ZNF280D: variants seen among roughly 807,000 people sequenced by gnomAD.
The protein encoded by ZNF280D is zinc finger protein 280D.
In ZNF280D, 39 loss-of-function variants were observed where a neutral mutation model predicts 94.7. That is an observed-to-expected ratio of 0.41 (90% CI 0.32 to 0.54). The LOEUF (loss-of-function observed/expected upper bound fraction) is 0.54, where lower values mean the gene tolerates loss of function less well. Ranked by LOEUF, ZNF280D falls within the 20% of genes least tolerant of loss-of-function variation. The pLI is 0.22. For missense variants in ZNF280D, 1,090 were observed against 1,149.3 expected (o/e 0.95, Z 0.75); for synonymous variants, 398 against 377.6 (o/e 1.05, Z -0.63).
At chr15:56,668,077 T>G (rs539787612) in intron 14 of ZNF280D, 3 of 441,672 alleles carry the variant, frequency 6.8e-6, no homozygotes, top group African/African-American at 4.1e-5. Flanking sequence ...CTTGCTATCA[T>G]GTCTTCAGAG....
Position 56,707,299 on chromosome 15 carries a change from T to G in ZNF280D, c.-78A>C, listed in dbSNP as rs1301948732. On this transcript the variant is annotated 5_prime_UTR_variant, in exon 2 of 22. Coordinates refer to ENST00000267807, the MANE Select transcript of ZNF280D (RefSeq NM_017661.4). ...AGACAAGCCAGCAAGTTATTTCTGT[T>G]TTCCTTCCTATAAAATAAAGATACC... 6.5e-7 allele frequency: 1 copy of G among 1,530,158 alleles called. No individual in the cohort carries two copies. The highest frequency in any genetic ancestry group is 8.8e-7 in the Non-Finnish European group (1 of 1,142,448). 94.8% of individuals were successfully genotyped at this position (1,530,158 alleles called of 1,614,324 possible). A position where few individuals can be genotyped will look rare whatever the true frequency, so the allele number is the denominator to read the frequency against.
intron 1 of ZNF280D, among the ~76,000 whole-genome samples, chr15:56,712,831 T>C (rs1476386823): frequency 1.3e-4 from 20 of 150,730 alleles, no homozygotes; most frequent in African/African-American, 4.9e-4. Context: ...ACCTCCACCT[T>C]CCAGGTTCAA....
intron 16 of ZNF280D, among the ~76,000 whole-genome samples, chr15:56,663,121 CA>C (rs138416677): frequency 7.8e-4 from 108 of 138,338 alleles, no homozygotes; most frequent in Non-Finnish European, 7.3e-4. Context: ...CCCATCCCTA[CA>C]AAAAAAAAAA....
At chr15:56,728,217 C>T (rs1239244039) in intron 1 of ZNF280D, among the ~76,000 whole-genome samples, 2 of 151,916 alleles carry the variant, frequency 1.3e-5, no homozygotes, top group Non-Finnish European at 2.9e-5. Flanking sequence ...GAGACAAGGT[C>T]TTCTTATGTT....
chr15:56,662,160 T>G lies in ZNF280D; in HGVS notation c.1995-3674A>C, dbSNP rs370878905. ...TGTAAAGAAAAATGCTTCTTATACA[T>G]CATTTTGAGGAATAATAGCAAGATT... On this transcript the variant is annotated intron_variant, in intron 16 of 21. Transcript: ENST00000267807. Among the ~76,000 whole-genome samples, 47 of 152,300 alleles carry G rather than the reference T, an allele frequency of 3.1e-4. No individual in the cohort carries two copies. In the South Asian group the frequency reaches 7.9e-3, roughly 25 times the overall value.
chr15:56,636,673 G>T (rs998246278), intron 20 of ZNF280D, among the ~76,000 whole-genome samples: 4 of 151,858 alleles, frequency 2.6e-5, no homozygotes, highest in Non-Finnish European at 5.9e-5. Flanking sequence ...TAGTACAGAC[G>T]GGGTTTCACC....
intron 19 of ZNF280D, chr15:56,652,907 G>A: frequency 1.0e-6 from 1 of 980,972 alleles, no homozygotes; most frequent in Non-Finnish European, 1.2e-6. Context: ...AAATCTCTTG[G>A]AGTTCTTAAA....
At chr15:56,658,316 T>A in intron 17 of ZNF280D, 108 bp downstream of exon 17, 1 of 761,564 alleles carries the variant, frequency 1.3e-6, no homozygotes, top group Non-Finnish European at 2.2e-6. Flanking sequence ...TATAAACACA[T>A]AAATTGTATG....
chr15:56,677,866 A>C (rs2055340032), intron 11 of ZNF280D, among the ~76,000 whole-genome samples, 192 bp from the exon 12 acceptor site: 2 of 152,164 alleles, frequency 1.3e-5, no homozygotes, highest in Non-Finnish European at 2.9e-5. Flanking sequence ...AACTCCTATT[A>C]ACAACCCTAT....
rs1260638775 is a variant in ZNF280D at position 56,678,730 on chromosome 15, G to A, written c.1096C>T (p.Gln366Ter). 6.2e-7 allele frequency: 1 copy of A among 1,613,384 alleles called. No individual in the cohort carries two copies. The highest frequency in any genetic ancestry group is 1.7e-5 in the Admixed American group (1 of 59,844). Residue 366 changes from glutamine to a stop codon, truncating the protein, a stop_gained, in exon 11 of 22, where the codon CAG becomes TAG. Transcript: ENST00000267807. LOFTEE classifies it high-confidence loss of function. Reference protein sequence around the residue: ...NHTTCQHCYRQFPTPFQLQCH... With the variant: ...NHTTCQHCYR ...TGCAACTGAAATGGTGTGGGAAACT[G>A]ACGGTAGCAGTGCTGGCAGGTGGTA... is the stretch of plus-strand genomic sequence containing the variant.
At chr15:56,632,178 C>G in intron 21 of ZNF280D, 56 bp from the exon 22 acceptor site, 1 of 1,387,408 alleles carries the variant, frequency 7.2e-7, no homozygotes, top group Non-Finnish European at 9.6e-7. Context: ...TTTTTGAACA[C>G]TGTCAAAATA....
chr15:56,659,026 T>C (rs1375479474), intron 16 of ZNF280D, among the ~76,000 whole-genome samples: 1 of 151,900 alleles, frequency 6.6e-6, no homozygotes, highest in Non-Finnish European at 1.5e-5. Context: ...CTAGTAGACT[T>C]TTTTTCTTCT....
At chr15:56,679,379 T>C (rs1368339834) in intron 10 of ZNF280D, among the ~76,000 whole-genome samples, 1 of 152,244 alleles carries the variant, frequency 6.6e-6, no homozygotes, top group African/African-American at 2.4e-5. Context: ...TCTAAATGCA[T>C]GTAATAGCAG....
intron 9 of ZNF280D, among the ~76,000 whole-genome samples, chr15:56,688,572 C>T (rs1006774970): frequency 6.7e-6 from 1 of 149,404 alleles, no homozygotes; most frequent in Non-Finnish European, 1.5e-5. Context: ...ACAATTATTT[C>T]ATATGAAATG....
chr15:56,645,029 A>G (rs1312281055), intron 19 of ZNF280D: 1 of 152,194 alleles, frequency 6.6e-6, no homozygotes, highest in Non-Finnish European at 1.5e-5. Context: ...AAATTATAAA[A>G]TGCATCACTA....
At chr15:56,725,980 AT>A (rs1265601661) in intron 1 of ZNF280D, among the ~76,000 whole-genome samples, 1 of 152,188 alleles carries the variant, frequency 6.6e-6, no homozygotes, top group African/African-American at 2.4e-5. Flanking sequence ...TGACTGAAAT[AT>A]TTTTTGGTGT....
At chr15:56,667,972 A>G (rs2054408827) in intron 14 of ZNF280D, 1 of 198,702 alleles carries the variant, frequency 5.0e-6, no homozygotes, top group African/African-American at 2.4e-5. Flanking sequence ...TAAGGGAAAA[A>G]ATGAGAGAGG....
chr15:56,678,007 CTTTTTTT>C (rs1198357496), intron 11 of ZNF280D, among the ~76,000 whole-genome samples: 3 of 137,186 alleles, frequency 2.2e-5, no homozygotes, highest in South Asian at 2.3e-4. Context: ...AATTTTCTTT[CTTTTTTT>C]TTTTTTTTTT....
At chr15:56,677,945 T>G (rs2055345534) in intron 11 of ZNF280D, among the ~76,000 whole-genome samples, 1 of 152,064 alleles carries the variant, frequency 6.6e-6, no homozygotes, top group South Asian at 2.1e-4. Context: ...TGTAGCTATA[T>G]TAAGAGGCAG....
Sources: gnomAD v4.1 joint callset for allele counts (sites outside exome capture counted in the v4.1 genomes callset) on GRCh38, gnomAD v4.1.1 for gene constraint, MANE v1.5 for transcripts, NCBI Gene and HGNC (gene_info 2026-07-23, HGNC 2026-07-21) for gene names.